CDKAL1: variants seen among roughly 807,000 people sequenced by gnomAD.
The protein encoded by CDKAL1 is threonylcarbamoyladenosine tRNA methylthiotransferase.
In CDKAL1, 32 loss-of-function variants were observed where a neutral mutation model predicts 68.2. The observed-to-expected ratio is 0.47, with a 90% CI of 0.35 to 0.63. The LOEUF (loss-of-function observed/expected upper bound fraction) is 0.63, where lower values mean the gene tolerates loss of function less well. CDKAL1 is among the 30% of genes least tolerant of loss of function. The pLI is 0.00. For missense variants in CDKAL1, 606 were observed against 696.7 expected, an observed-to-expected ratio of 0.87 and a Z score of 1.47; for synonymous variants, 234 against 244.3, an observed-to-expected ratio of 0.96 and a Z score of 0.39.
intron 13 of CDKAL1, among the ~76,000 whole-genome samples, chr6:21,139,713 G>A (rs886530186): frequency 1.3e-5 from 2 of 152,020 alleles, no homozygotes; most frequent in African/African-American, 4.8e-5. Flanking sequence ...TCACTGTGTT[G>A]CCCAGGCTGG....
Position 20,721,725 on chromosome 6 carries a change from GTTTTTT to G in CDKAL1, c.372-17774_372-17769del, listed in dbSNP as rs145893325. ...CTTCTCTGCACCCTGACCAACTTCTGTTTTTTTTTTTTTTTTTTTTTTTTTGAGACA... is the reference window on the plus strand; with the variant it reads ...CTTCTCTGCACCCTGACCAACTTCTGTTTTTTTTTTTTTTTTTTTGAGACA... On this transcript the variant is annotated intron_variant, in intron 5 of 15. Coordinates refer to ENST00000274695, the MANE Select transcript of CDKAL1 (RefSeq NM_017774.3). Among the ~76,000 whole-genome samples the G allele has an allele frequency of 4.2e-3, 280 of 67,366 alleles. 1 individual carries two copies. The highest frequency in any genetic ancestry group is 0.016 in the African/African-American group (271 of 16,668). The allele number at this position is 67,366 out of a possible 152,430, so 44.2% of individuals were successfully genotyped here.
intron 15 of CDKAL1, among the ~76,000 whole-genome samples, chr6:21,217,096 G>A (rs1172270402): frequency 1.3e-5 from 2 of 151,816 alleles, no homozygotes; most frequent in Non-Finnish European, 2.9e-5. Context: ...TGGTATTTTT[G>A]TATTTTTAAC....
At chr6:20,793,432 T>A (rs1448563974) in intron 8 of CDKAL1, among the ~76,000 whole-genome samples, 4 of 152,184 alleles carry the variant, frequency 2.6e-5, no homozygotes, top group Non-Finnish European at 5.9e-5. Context: ...ATGGTTGAGA[T>A]TCTGCTACTG....
chr6:20,890,615 T>C (rs781430000), intron 9 of CDKAL1, among the ~76,000 whole-genome samples: 4 of 152,260 alleles, frequency 2.6e-5, no homozygotes, highest in Non-Finnish European at 5.9e-5. Context: ...TCTTGAGCTC[T>C]CTACTGTTTC....
chr6:20,902,308 G>T (rs1242398494), intron 9 of CDKAL1, among the ~76,000 whole-genome samples: 1 of 117,054 alleles, frequency 8.5e-6, no homozygotes, highest in African/African-American at 3.3e-5. Flanking sequence ...TCACGTGGTG[G>T]ATTCACACAC....
chr6:20,889,503 A>C (rs1212211656), intron 9 of CDKAL1, among the ~76,000 whole-genome samples: 2 of 152,052 alleles, frequency 1.3e-5, no homozygotes, highest in Non-Finnish European at 2.9e-5. Context: ...TTATGGTTTT[A>C]GGTCTAACAT....
chr6:20,625,075 G>A (rs1767368129), intron 4 of CDKAL1, among the ~76,000 whole-genome samples: 1 of 152,082 alleles, frequency 6.6e-6, no homozygotes, highest in African/African-American at 2.4e-5. Flanking sequence ...TCTGGTTGCA[G>A]TAAGATAAAA....
chr6:20,625,951 T>TC (rs889086965), intron 4 of CDKAL1, among the ~76,000 whole-genome samples: 7 of 152,158 alleles, frequency 4.6e-5, no homozygotes, highest in Admixed American at 1.3e-4. Flanking sequence ...TTTCTTGTGA[T>TC]CCCCCCATCC....
intron 13 of CDKAL1, among the ~76,000 whole-genome samples, chr6:21,108,681 A>G (rs1020997128): frequency 3.3e-5 from 5 of 152,168 alleles, no homozygotes; most frequent in African/African-American, 9.7e-5. Context: ...CTAGTTACAT[A>G]TTGGCACTGA....
At chr6:21,167,784 T>C (rs113717444) in intron 13 of CDKAL1, among the ~76,000 whole-genome samples, 1,937 of 152,342 alleles carry the variant, frequency 0.013, 18 homozygotes, top group Non-Finnish European at 0.018. Flanking sequence ...TTTTATTTAA[T>C]AAATTAAATT....
chr6:20,670,184 T>A (rs955347456), intron 5 of CDKAL1, among the ~76,000 whole-genome samples: 4 of 152,214 alleles, frequency 2.6e-5, no homozygotes, highest in African/African-American at 9.6e-5. Flanking sequence ...GAAAAAGAAA[T>A]TTTACTAACA....
At chr6:20,912,140 TTG>T (rs758395899) in intron 9 of CDKAL1, among the ~76,000 whole-genome samples, 1 of 152,250 alleles carries the variant, frequency 6.6e-6, no homozygotes, top group Middle Eastern at 3.2e-3. Context: ...CTGCTGTTTT[TTG>T]TGTGTTTGTT....
chr6:21,231,186 TC>T lies in CDKAL1; in HGVS notation c.*152del. The T allele has an allele frequency of 1.8e-6, 1 of 541,114 alleles. No individual in the cohort carries two copies. Among genetic ancestry groups the T allele is most frequent in the Non-Finnish European group, 3.1e-6 (1 of 319,630 alleles). 33.5% of individuals were successfully genotyped at this position (541,114 alleles called of 1,614,324 possible). Reference sequence around the variant, plus strand: ...TCTCAGCCACTCTTCTTAATGAGGCTCCCCCTGTCTCACATTGAGTTGGGCC... The same window carrying T: ...TCTCAGCCACTCTTCTTAATGAGGCTCCCCTGTCTCACATTGAGTTGGGCC... On this transcript the variant is annotated 3_prime_UTR_variant, in exon 16 of 16. Transcript: ENST00000274695.
intron 9 of CDKAL1, among the ~76,000 whole-genome samples, chr6:20,945,088 A>G (rs963067847): frequency 4.0e-5 from 6 of 151,878 alleles, no homozygotes; most frequent in Admixed American, 2.6e-4. Context: ...ACACACACAC[A>G]CACACACAAC....
intron 4 of CDKAL1, among the ~76,000 whole-genome samples, chr6:20,637,891 AT>A (rs200845488): frequency 2.7e-5 from 4 of 150,830 alleles, no homozygotes; most frequent in African/African-American, 9.8e-5. Flanking sequence ...TTATTGTCTT[AT>A]TTTTTTTTCT....
At chr6:20,540,026 A>C (rs1341225901) in intron 2 of CDKAL1, among the ~76,000 whole-genome samples, 2 of 151,806 alleles carry the variant, frequency 1.3e-5, no homozygotes, top group Non-Finnish European at 2.9e-5. Flanking sequence ...AGGGTGACAG[A>C]AAGAGGGGAG....
intron 13 of CDKAL1, among the ~76,000 whole-genome samples, chr6:21,152,514 A>C: frequency 6.6e-6 from 1 of 152,196 alleles, no homozygotes; most frequent in Non-Finnish European, 1.5e-5. Flanking sequence ...CCCCACAAAC[A>C]TTCACTCAGC....
At chr6:20,621,083 G>T (rs1767171598) in intron 4 of CDKAL1, among the ~76,000 whole-genome samples, 1 of 151,904 alleles carries the variant, frequency 6.6e-6, no homozygotes, top group Non-Finnish European at 1.5e-5. Flanking sequence ...CCTTACTGCT[G>T]CCTCAGATTT....
At chr6:20,600,799 C>CAT (rs1766063936) in intron 4 of CDKAL1, among the ~76,000 whole-genome samples, 1 of 79,938 alleles carries the variant, frequency 1.3e-5, no homozygotes, top group African/African-American at 3.8e-5. Flanking sequence ...CACACACACA[C>CAT]ATGAATGATA....
Sources: allele counts gnomAD v4.1 joint callset (sites outside exome capture counted in the v4.1 genomes callset), GRCh38; gene constraint gnomAD v4.1.1; transcripts MANE v1.5; gene names NCBI Gene and HGNC (gene_info 2026-07-23, HGNC 2026-07-21).